The following ADAM23 variants were observed in gnomAD, a reference collection of about 807,000 sequenced individuals.
The protein encoded by ADAM23 is ADAM metallopeptidase domain 23, also known as disintegrin and metalloproteinase domain-containing protein 23.
In ADAM23, 33 loss-of-function variants were observed where a neutral mutation model predicts 120.1. The observed-to-expected ratio is 0.27, with a 90% CI of 0.21 to 0.37. The LOEUF (loss-of-function observed/expected upper bound fraction) is 0.37, where lower values mean the gene tolerates loss of function less well. Among genes scored for constraint, ADAM23 ranks in the 10% least tolerant of loss-of-function variants. ADAM23 has a pLI of 1.00. For missense variants in ADAM23, 862 were observed against 1,058.2 expected, an observed-to-expected ratio of 0.81 and a Z score of 2.57; for synonymous variants, 367 against 375.2, an observed-to-expected ratio of 0.98 and a Z score of 0.25.
Position 206,547,473 on chromosome 2 carries a change from A to G in ADAM23, c.765A>G (p.Gly255=), listed in dbSNP as rs1183575079. Residue 255 remains glycine (G), a synonymous_variant, in exon 7 of 26, where the codon GGA becomes GGG. Coordinates refer to ENST00000264377, the MANE Select transcript of ADAM23 (RefSeq NM_003812.4). Reference sequence around the variant, plus strand: ...ATATAATCCAGAAAACCTTGGCAGGACAGTATTCTAAGCAAATGAAGAATC... The same window carrying G: ...ATATAATCCAGAAAACCTTGGCAGGGCAGTATTCTAAGCAAATGAAGAATC... ...RPHIIQKTLA[G]QYSKQMKNLT... 1 of 1,613,062 alleles carries G rather than the reference A, an allele frequency of 6.2e-7. No individual in the cohort carries two copies. The highest frequency in any genetic ancestry group is 8.5e-7 in the Non-Finnish European group (1 of 1,179,414).
chr2:206,485,102 C>G (rs1377664255), intron 3 of ADAM23, among the ~76,000 whole-genome samples: 1 of 152,164 alleles, frequency 6.6e-6, no homozygotes, highest in Admixed American at 6.5e-5. Flanking sequence ...TAATGTAATA[C>G]ATCCCCCATG....
At chr2:206,536,656 G>T (rs1697182605) in intron 4 of ADAM23, among the ~76,000 whole-genome samples, 1 of 152,092 alleles carries the variant, frequency 6.6e-6, no homozygotes, top group African/African-American at 2.4e-5. Flanking sequence ...ATTGACTATA[G>T]TAATAATTTC....
chr2:206,473,286 A>G (rs1695698271), intron 2 of ADAM23, among the ~76,000 whole-genome samples: 1 of 152,146 alleles, frequency 6.6e-6, no homozygotes, highest in Non-Finnish European at 1.5e-5. Flanking sequence ...AGCTGTCTGA[A>G]TTCTTTCTTT....
chr2:206,581,515 G>A (rs557717195), intron 18 of ADAM23, among the ~76,000 whole-genome samples: 6 of 152,216 alleles, frequency 3.9e-5, no homozygotes, highest in South Asian at 4.2e-4. Flanking sequence ...TAATTTCCAC[G>A]TATTTGCATG....
chr2:206,518,365 A>T (rs1159977933), intron 3 of ADAM23, among the ~76,000 whole-genome samples: 1 of 152,184 alleles, frequency 6.6e-6, no homozygotes, highest in African/African-American at 2.4e-5. Flanking sequence ...AGATTAAATT[A>T]TGCACCTCTA....
At chr2:206,507,303 G>A (rs1363657333) in intron 3 of ADAM23, among the ~76,000 whole-genome samples, 1 of 152,048 alleles carries the variant, frequency 6.6e-6, no homozygotes, top group African/African-American at 2.4e-5. Context: ...GGAGCATGGG[G>A]GCAGACTTCT....
chr2:206,499,087 A>G (rs969054090), intron 3 of ADAM23, among the ~76,000 whole-genome samples: 31 of 152,042 alleles, frequency 2.0e-4, no homozygotes, highest in African/African-American at 6.7e-4. Context: ...AGTCAGTGTG[A>G]TGATTCCTCA....
chr2:206,559,031 G>A (rs1697705423), intron 10 of ADAM23, among the ~76,000 whole-genome samples: 1 of 151,972 alleles, frequency 6.6e-6, no homozygotes, highest in Non-Finnish European at 1.5e-5. Context: ...TGCAAGCTCC[G>A]CCTCCCAGGT....
intron 2 of ADAM23, among the ~76,000 whole-genome samples, chr2:206,477,893 A>ATATATATATATATATATAT (rs1199167461): frequency 2.5e-4 from 25 of 101,348 alleles, no homozygotes; most frequent in African/African-American, 8.1e-4. Context: ...AAAAAAAAAA[A>ATATATATATATATATATAT]AAAAATATAT....
At chr2:206,573,640 G>A (rs1239806405) in intron 18 of ADAM23, among the ~76,000 whole-genome samples, 1 of 151,686 alleles carries the variant, frequency 6.6e-6, no homozygotes, top group Non-Finnish European at 1.5e-5. Context: ...AAAAAAAATT[G>A]GACATGCATT....
chr2:206,470,069 T>TC (rs774774550), intron 2 of ADAM23, among the ~76,000 whole-genome samples: 3 of 152,022 alleles, frequency 2.0e-5, no homozygotes, highest in Non-Finnish European at 4.4e-5. Flanking sequence ...GTATTAGCCA[T>TC]CCCCCACAAA....
At chr2:206,523,655 A>G (rs979243666) in intron 3 of ADAM23, among the ~76,000 whole-genome samples, 1 of 152,168 alleles carries the variant, frequency 6.6e-6, no homozygotes, top group African/African-American at 2.4e-5. Context: ...TTAGAAAAGT[A>G]ATGGTTGAAA....
At chr2:206,587,406 T>A (rs762734924) in intron 19 of ADAM23, 31 bp downstream of exon 19, 2 of 1,515,674 alleles carry the variant, frequency 1.3e-6, no homozygotes, top group Non-Finnish European at 1.8e-6. Context: ...TAAGTGTAAT[T>A]TAAAAAGGAT....
In ADAM23 at chr2:206,593,994, C is replaced by T. The variant is rs562418363; in HGVS notation, c.2079-743C>T. The stretch of plus-strand genomic sequence containing the variant: ...ACTGCCCCTTTTCTATGTTTAGATA[C>T]GTTTAGATAGGCAAGTACTTACCAT... On this transcript the variant is annotated intron_variant, in intron 22 of 25. Coordinates refer to ENST00000264377, the MANE Select transcript of ADAM23 (RefSeq NM_003812.4). Among the ~76,000 whole-genome samples, 10 of 151,060 alleles carry T rather than the reference C, an allele frequency of 6.6e-5. No homozygotes were observed. The East Asian group carries it at 1.4e-3, about 21-fold the overall frequency.
intron 3 of ADAM23, among the ~76,000 whole-genome samples, chr2:206,488,579 C>T (rs752349366): frequency 2.1e-4 from 32 of 152,176 alleles, no homozygotes; most frequent in Non-Finnish European, 3.2e-4. Flanking sequence ...GTTATCCCAC[C>T]TAGAGGCAGG....
intron 17 of ADAM23, among the ~76,000 whole-genome samples, chr2:206,572,072 G>T (rs915609460): frequency 6.6e-6 from 1 of 152,144 alleles, no homozygotes; most frequent in Non-Finnish European, 1.5e-5. Context: ...CAAAAGAGTT[G>T]CCCTACTAAC....
At chr2:206,580,146 A>G (rs1055540303) in intron 18 of ADAM23, among the ~76,000 whole-genome samples, 3 of 152,166 alleles carry the variant, frequency 2.0e-5, no homozygotes, top group African/African-American at 7.2e-5. Flanking sequence ...AAGGTAAACA[A>G]TCATATCATC....
intron 18 of ADAM23, among the ~76,000 whole-genome samples, chr2:206,584,003 G>A (rs948770803): frequency 2.6e-5 from 4 of 152,092 alleles, no homozygotes; most frequent in Non-Finnish European, 4.4e-5. Flanking sequence ...TCAGAGGGAA[G>A]GTCTAGGGGT....
At chr2:206,582,826 G>T (rs13002292) in intron 18 of ADAM23, among the ~76,000 whole-genome samples, 108,311 of 152,030 alleles carry the variant, frequency 0.71, 38,857 homozygotes, top group Non-Finnish European at 0.74. Context: ...TGCTTACTTT[G>T]GCTGAATACA....
Sources: allele counts gnomAD v4.1 joint callset (sites outside exome capture counted in the v4.1 genomes callset), GRCh38; gene constraint gnomAD v4.1.1; transcripts MANE v1.5; gene names NCBI Gene and HGNC (gene_info 2026-07-23, HGNC 2026-07-21).